SETD2: variants seen among roughly 807,000 people sequenced by gnomAD.
SETD2 encodes the protein SET domain containing 2, histone lysine methyltransferase.
Under a neutral mutation model 242.1 loss-of-function variants are expected in SETD2, and 31 were observed. That is an observed-to-expected ratio of 0.13 (90% CI 0.10 to 0.17). The LOEUF is 0.17. Among genes scored for constraint, SETD2 ranks in the 10% least tolerant of loss-of-function variants. SETD2 has a pLI of 1.00. For missense variants in SETD2, 2,481 were observed against 3,046.3 expected (o/e 0.81, Z 4.37); for synonymous variants, 1,006 against 1,066.5 (o/e 0.94, Z 1.11).
At chr3:47,075,564 C>CAAAAAAAAAAAAAAAAAAAAAA (rs55635941) in intron 12 of SETD2, among the ~76,000 whole-genome samples, 1 of 76,456 alleles carries the variant, frequency 1.3e-5, no homozygotes. Context: ...AACTCCGTCT[C>CAAAAAAAAAAAAAAAAAAAAAA]AAAAAAAAAA....
At chr3:47,055,724 T>C (rs2040026029) in intron 15 of SETD2, among the ~76,000 whole-genome samples, 1 of 151,768 alleles carries the variant, frequency 6.6e-6, no homozygotes, top group Non-Finnish European at 1.5e-5. Flanking sequence ...AAAAAAGTTC[T>C]GCCGGCCAGG....
intron 1 of SETD2, among the ~76,000 whole-genome samples, chr3:47,148,148 T>C (rs2043905254): frequency 6.6e-6 from 1 of 151,364 alleles, no homozygotes; most frequent in African/African-American, 2.4e-5. Flanking sequence ...TTGTTGTTTT[T>C]GATAAAGCGT....
chr3:47,025,087 T>C (rs575297966), intron 18 of SETD2, among the ~76,000 whole-genome samples: 1 of 152,296 alleles, frequency 6.6e-6, no homozygotes, highest in Non-Finnish European at 1.5e-5. Context: ...AAGCACCAAT[T>C]TACTGATGAC....
intron 14 of SETD2, among the ~76,000 whole-genome samples, chr3:47,059,513 G>T (rs1023072727): frequency 6.6e-6 from 1 of 151,526 alleles, no homozygotes; most frequent in Admixed American, 6.6e-5. Context: ...TCTGCCTCCC[G>T]GGTTCAAACA....
chr3:47,103,855 C>G (rs1234308266), intron 6 of SETD2, among the ~76,000 whole-genome samples: 2 of 152,218 alleles, frequency 1.3e-5, no homozygotes, highest in African/African-American at 4.8e-5. Flanking sequence ...GGAAGATCTG[C>G]TAATTATTAA....
chr3:47,084,093 G>A lies in SETD2; in HGVS notation c.5687C>T (p.Ala1896Val), dbSNP rs750289124. ...ATCCTTGCCTTCTAGCTCACTGGTTGCATCAGAGATTGCACTGTCCATGCT... is the reference window on the plus strand; with the variant it reads ...ATCCTTGCCTTCTAGCTCACTGGTTACATCAGAGATTGCACTGTCCATGCT... ...ENSMDSAISD[A>V]TSELEGKDGK... Residue 1896 changes from alanine (A) to valine (V), a missense_variant, in exon 12 of 21, where the codon GCA becomes GTA. Ala to Val is a moderately conservative substitution (Grantham distance 64, BLOSUM62 0). This residue lies in a region of SETD2 where 203 missense variants were observed against 222.4 expected (regional missense o/e 0.91). Coordinates refer to ENST00000409792, the MANE Select transcript of SETD2 (RefSeq NM_014159.7). 2 of 1,614,136 alleles carry A rather than the reference G, an allele frequency of 1.2e-6. No individual in the cohort carries two copies. The highest frequency in any genetic ancestry group is 2.2e-5 in the East Asian group (1 of 44,884).
chr3:47,132,780 C>A (rs926346092), intron 1 of SETD2, among the ~76,000 whole-genome samples: 1 of 152,264 alleles, frequency 6.6e-6, no homozygotes. Context: ...GTGTTTCTTA[C>A]ACTTGAGTGT....
At chr3:47,072,781 T>TA (rs71098447) in intron 12 of SETD2, among the ~76,000 whole-genome samples, 73,363 of 150,914 alleles carry the variant, frequency 0.49, 19,318 homozygotes, top group Non-Finnish European at 0.58. Context: ...CTGTCTCTAC[T>TA]AAAAAAATAC....
intron 19 of SETD2, among the ~76,000 whole-genome samples, chr3:47,018,900 C>A (rs545135889): frequency 3.4e-4 from 52 of 152,356 alleles, no homozygotes; most frequent in African/African-American, 1.2e-3. Context: ...TAAGTTAGAT[C>A]CCCTGCTGAT....
rs374447180 is a variant in SETD2 at position 47,122,596 on chromosome 3, T to C, written c.2040A>G (p.Glu680=). 28 of 1,614,154 alleles carry C rather than the reference T, an allele frequency of 1.7e-5. No individual in the cohort carries two copies. Among genetic ancestry groups the C allele is most frequent in the Admixed American group, 8.3e-5 (5 of 60,016 alleles). ...AAGTGCAAAATGTTGCCAAATCAGA[T>C]TCTGCCCCAGGAGATCCATTTATAT... ...ELNINGSPGA[E]SDLATFCTSK... Residue 680 remains glutamate, a synonymous_variant, in exon 3 of 21, where the codon GAA becomes GAG. Transcript: ENST00000409792.
At chr3:47,163,388 G>C (rs1697561055) in intron 1 of SETD2, 1 of 152,100 alleles carries the variant, frequency 6.6e-6, no homozygotes, top group East Asian at 2.0e-4. Flanking sequence ...GTCGGGCGAC[G>C]GGTCGAGCTT....
intron 17 of SETD2, 21 bp from the exon 18 acceptor site, chr3:47,037,798 C>T (rs920699974): frequency 5.8e-6 from 9 of 1,564,926 alleles, no homozygotes; most frequent in Non-Finnish European, 7.9e-6. Flanking sequence ...ACAAAAACAG[C>T]CATGCTGTCA....
chr3:47,053,030 C>T lies in SETD2; in HGVS notation c.6963+3791G>A, dbSNP rs1294100719. Among the ~76,000 whole-genome samples the T allele has an allele frequency of 3.3e-5, 5 of 151,880 alleles. 1 individual carries two copies. Among genetic ancestry groups the T allele is most frequent in the Non-Finnish European group, 7.4e-5 (5 of 68,004 alleles). Reference sequence around the variant, plus strand: ...TCAGCCTCCCCAGTAGCTGGTATTACAGGCACCCACCATCATGCCCAGCTA... The same window carrying T: ...TCAGCCTCCCCAGTAGCTGGTATTATAGGCACCCACCATCATGCCCAGCTA... On this transcript the variant is annotated intron_variant, in intron 15 of 20. Transcript: ENST00000409792.
chr3:47,112,693 G>A (rs766836450), intron 5 of SETD2, among the ~76,000 whole-genome samples: 2 of 152,098 alleles, frequency 1.3e-5, no homozygotes, highest in Non-Finnish European at 2.9e-5. Context: ...AAGTTCAAGC[G>A]ATTCTCCTAC....
In SETD2 at chr3:47,121,037, T is replaced by C. The variant is rs1447697624; in HGVS notation, c.3599A>G (p.Glu1200Gly). The C allele has an allele frequency of 6.2e-7, 1 of 1,614,206 alleles. No homozygotes were observed. The highest frequency in any genetic ancestry group is 8.5e-7 in the Non-Finnish European group (1 of 1,180,010). Residue 1200 changes from glutamate to glycine, a missense_variant, in exon 3 of 21, where the codon GAA (glutamate) becomes GGA (glycine). Transcript: ENST00000409792. ...ATCAGAAGAATAAATTGGCAGCTCTTCTTGCTGCCTAGAAGGTATTTTGGC... is the reference window on the plus strand; with the variant it reads ...ATCAGAAGAATAAATTGGCAGCTCTCCTTGCTGCCTAGAAGGTATTTTGGC... ...VKAKIPSRQQ[E>G]ELPIYSSDFE...
At chr3:47,046,259 AC>A (rs1008687270) in intron 16 of SETD2, among the ~76,000 whole-genome samples, 3 of 150,364 alleles carry the variant, frequency 2.0e-5, no homozygotes, top group Non-Finnish European at 3.0e-5. Context: ...ATCGCTTTAA[AC>A]CAGGAGGTGG....
At position 47,122,858 on chromosome 3, in the gene SETD2, G is replaced by C. The variant is rs1317109866; in HGVS notation, c.1778C>G (p.Pro593Arg). Residue 593 changes from proline to arginine, a missense_variant, in exon 3 of 21, where the codon CCT (proline) becomes CGT (arginine). Coordinates refer to ENST00000409792, the MANE Select transcript of SETD2 (RefSeq NM_014159.7). ...TCTTAATTCACTACCTTTTGAACAA[G>C]GTGTCTGTAAACTAAAAGAATGAGA... The part of the protein sequence containing the change: ...KQSHSFSLQT[P>R]CSKGSELRMI... The C allele has an allele frequency of 2.5e-6, 4 of 1,612,322 alleles. No individual in the cohort carries two copies. The South Asian group carries it at 3.3e-5, about 13-fold the overall frequency.
chr3:47,037,855 T>TA lies in SETD2; in HGVS notation c.7239-79dup, dbSNP rs1575669847. 5.8e-5 allele frequency: 56 copies of TA among 959,470 alleles called. No homozygotes were observed. The East Asian group carries it at 1.3e-3, about 23-fold the overall frequency. The allele number at this position is 959,470 out of a possible 1,614,324, so 59.4% of individuals were successfully genotyped here. On this transcript the variant is annotated intron_variant, in intron 17 of 20. Transcript: ENST00000409792. ...TGACATAAACATCACTGCTCATACATACATAAAATACAACATACAATAAGA... is the reference window on the plus strand; with the variant it reads ...TGACATAAACATCACTGCTCATACATAACATAAAATACAACATACAATAAGA...
At position 47,097,163 on chromosome 3, in the gene SETD2, G is replaced by A. The variant is rs565139030; in HGVS notation, c.5142+792C>T. Reference sequence around the variant, plus strand: ...TGAGCTAACTGCAAAAGAATCACAGGGGAATTTGCTGACTAACACCGGTAA... The same window carrying A: ...TGAGCTAACTGCAAAAGAATCACAGAGGAATTTGCTGACTAACACCGGTAA... On this transcript the variant is annotated intron_variant, in intron 9 of 20. Coordinates refer to ENST00000409792, the MANE Select transcript of SETD2 (RefSeq NM_014159.7). 2.0e-5 allele frequency among the ~76,000 whole-genome samples: 3 copies of A among 152,182 alleles called. No homozygotes were observed. The East Asian group carries it at 5.8e-4, about 29-fold the overall frequency.
Sources: gnomAD v4.1 joint callset for allele counts (sites outside exome capture counted in the v4.1 genomes callset) on GRCh38, gnomAD v4.1.1 for gene constraint, gnomAD v4.1.1 regional missense constraint, MANE v1.5 for transcripts, NCBI Gene and HGNC (gene_info 2026-07-23, HGNC 2026-07-21) for gene names.